LRRC61: variants seen among roughly 807,000 people sequenced by gnomAD.
LRRC61 encodes leucine-rich repeat-containing protein 61.
Under a neutral mutation model 15.1 loss-of-function variants are expected in LRRC61, and 9 were observed. That is an observed-to-expected ratio of 0.60 (90% CI 0.36 to 1.04). LRRC61 has a LOEUF of 1.04. Ranked by LOEUF, LRRC61 falls within the 50% of genes least tolerant of loss-of-function variation. The probability of loss-of-function intolerance (pLI) is 0.01; values close to 1 mark genes in which losing one functional copy is unlikely to be tolerated. For missense variants in LRRC61, 344 were observed against 335.6 expected, an observed-to-expected ratio of 1.03 and a Z score of -0.20; for synonymous variants, 173 against 158.6, an observed-to-expected ratio of 1.09 and a Z score of -0.68.
intron 1 of LRRC61, among the ~76,000 whole-genome samples, chr7:150,324,765 G>T (rs1343273910): frequency 6.6e-6 from 1 of 152,070 alleles, no homozygotes; most frequent in Non-Finnish European, 1.5e-5. Context: ...GCTCTTCCCA[G>T]GTCACCTTCT....
chr7:150,315,091 T>G, the LRRC61 span, among the ~76,000 whole-genome samples: 5 of 147,328 alleles, frequency 3.4e-5, no homozygotes, highest in African/African-American at 1.2e-4. Flanking sequence ...TATTATTTAT[T>G]ATATTTTATT....
chr7:150,314,771 C>CA, the LRRC61 span, among the ~76,000 whole-genome samples: 192 of 90,256 alleles, frequency 2.1e-3, no homozygotes, highest in East Asian at 0.012. Context: ...CCCATCTCTC[C>CA]AAAAAAAAAA....
At chr7:150,319,413 C>T (rs1252984204), upstream of LRRC61, among the ~76,000 whole-genome samples, 1 of 152,114 alleles carries the variant, frequency 6.6e-6, no homozygotes, top group African/African-American at 2.4e-5. Context: ...CTCCATGTTT[C>T]TCAGGCTGGT....
At chr7:150,336,434 C>T (rs966785613) in intron 2 of LRRC61, among the ~76,000 whole-genome samples, 40 of 152,318 alleles carry the variant, frequency 2.6e-4, no homozygotes, top group African/African-American at 9.1e-4. Flanking sequence ...TAATGTTTTG[C>T]CCCTAGTTTG....
At chr7:150,313,078 C>G in the LRRC61 span, among the ~76,000 whole-genome samples, 1 of 152,178 alleles carries the variant, frequency 6.6e-6, no homozygotes, top group East Asian at 1.9e-4. Context: ...CCACCATGCA[C>G]CCCGTAACCC....
At chr7:150,334,136 C>T (rs1024838829) in intron 2 of LRRC61, 2 of 984,198 alleles carry the variant, frequency 2.0e-6, no homozygotes, top group Admixed American at 6.1e-5. Flanking sequence ...TGCTTCTTTG[C>T]TCTCTCCCTT....
At chr7:150,319,406 C>T (rs1585022740), upstream of LRRC61, among the ~76,000 whole-genome samples, 1 of 152,212 alleles carries the variant, frequency 6.6e-6, no homozygotes, top group African/African-American at 2.4e-5. Flanking sequence ...GGGGTTTCTC[C>T]ATGTTTCTCA....
chr7:150,334,164 C>T, intron 2 of LRRC61: 1 of 973,310 alleles, frequency 1.0e-6, no homozygotes, highest in Non-Finnish European at 1.2e-6. Context: ...CCATCATCTC[C>T]ATCTAAAAAG....
chr7:150,316,682 C>T, the LRRC61 span, among the ~76,000 whole-genome samples: 1 of 152,078 alleles, frequency 6.6e-6, no homozygotes, highest in Non-Finnish European at 1.5e-5. Flanking sequence ...GACGGGGTTT[C>T]ACCATGTTGG....
rs942048840 is a variant in LRRC61, at chr7:150,330,122, G to A, written c.-145+4112G>A. ...ACCCTCACAGTGTCCAGATCATCCT[G>A]GGCACTGCCAGGGCCACCTGCAGCC... On this transcript the variant is annotated intron_variant, in intron 2 of 2. Transcript: ENST00000359623. The surrounding 1 kb of genome is among the most constrained non-coding windows in gnomAD (Gnocchi z 4.6). 30 of 507,600 alleles carry A rather than the reference G, an allele frequency of 5.9e-5. 1 individual carries two copies. In the Admixed American group the frequency reaches 1.0e-3, roughly 17 times the overall value. The allele number at this position is 507,600 out of a possible 1,614,324, so 31.4% of individuals were successfully genotyped here.
At chr7:150,316,404 C>T in the LRRC61 span, among the ~76,000 whole-genome samples, 1 of 152,064 alleles carries the variant, frequency 6.6e-6, no homozygotes, top group Non-Finnish European at 1.5e-5. Flanking sequence ...TCCTACCAAC[C>T]CCCAGCCACT....
the LRRC61 span, among the ~76,000 whole-genome samples, chr7:150,316,324 A>G: frequency 6.6e-6 from 1 of 152,208 alleles, no homozygotes; most frequent in African/African-American, 2.4e-5. Flanking sequence ...GGCTGTCAAT[A>G]CATTGCACAC....
chr7:150,326,682 GAAAAAAA>G (rs34287911), intron 2 of LRRC61, among the ~76,000 whole-genome samples: 2 of 130,496 alleles, frequency 1.5e-5, no homozygotes, highest in Non-Finnish European at 3.3e-5. Flanking sequence ...GACCCAGTCT[GAAAAAAA>G]AAAAAAAAAA....
intron 2 of LRRC61, among the ~76,000 whole-genome samples, chr7:150,329,340 G>A (rs1041679512): frequency 1.3e-5 from 2 of 152,246 alleles, no homozygotes; most frequent in Admixed American, 6.5e-5. Flanking sequence ...TAAGATGCAC[G>A]GACGTATCGG....
chr7:150,336,942 G>T lies in LRRC61; in HGVS notation c.81G>T (p.Glu27Asp). 1 of 1,613,926 alleles carries T rather than the reference G, an allele frequency of 6.2e-7. No individual in the cohort carries two copies. The highest frequency in any genetic ancestry group is 1.1e-5 in the South Asian group (1 of 91,092). ...AGCTGCTGAAGTCACGCACAGGCGA[G>T]TTCTCCCTGGAGTCCATCCTGCTAC... ...TPQLLKSRTGEFSLESILLLK... is the reference protein window; with the variant it reads ...TPQLLKSRTGDFSLESILLLK... Residue 27 changes from glutamate (E) to aspartate (D), a missense_variant, in exon 3 of 3, where the codon GAG becomes GAT. Physicochemically the swap from Glu to Asp is conservative, Grantham distance 45 (BLOSUM62 2). Coordinates refer to ENST00000359623, the MANE Select transcript of LRRC61 (RefSeq NM_001142928.2).
At chr7:150,316,763 C>G in the LRRC61 span, among the ~76,000 whole-genome samples, 1 of 152,142 alleles carries the variant, frequency 6.6e-6, no homozygotes, top group Non-Finnish European at 1.5e-5. Context: ...GGATTACAGG[C>G]ATGAGCCACC....
At chr7:150,323,763 A>C (rs1425807722) in intron 1 of LRRC61, 1 of 448,690 alleles carries the variant, frequency 2.2e-6, no homozygotes, top group Non-Finnish European at 4.5e-6. Context: ...GTATTAATTA[A>C]CTCGTTTAAC....
intron 1 of LRRC61, among the ~76,000 whole-genome samples, chr7:150,324,833 G>A (rs1797893358): frequency 6.6e-6 from 1 of 152,048 alleles, no homozygotes; most frequent in South Asian, 2.1e-4. Context: ...CAGCATTCCC[G>A]GTTCCTGCTT....
chr7:150,331,449 T>G, intron 2 of LRRC61: 1 of 250,168 alleles, frequency 4.0e-6, no homozygotes. Context: ...ACCTATTTGG[T>G]AGGAAAGGGT....
Sources: gnomAD v4.1 joint callset for allele counts (sites outside exome capture counted in the v4.1 genomes callset) on GRCh38, gnomAD v4.1.1 for gene constraint, Gnocchi (gnomAD v3.1) non-coding constraint, MANE v1.5 for transcripts, NCBI Gene and HGNC (gene_info 2026-07-23, HGNC 2026-07-21) for gene names.